The following IHO1 variants were observed in gnomAD, a reference collection of about 807,000 sequenced individuals.
IHO1 encodes the protein interactor of HORMAD1 1.
In IHO1, 13 loss-of-function variants were observed where a neutral mutation model predicts 31.0. The ratio of observed to expected loss-of-function variants is 0.42; its 90% CI spans 0.27 to 0.67. The LOEUF (loss-of-function observed/expected upper bound fraction) is 0.67. IHO1 is among the 30% of genes least tolerant of loss of function. The pLI is 0.24. For synonymous variants in IHO1, 221 were observed against 248.4 expected (o/e 0.89, Z 1.04); for missense variants, 599 against 687.5 (o/e 0.87, Z 1.44).
intron 4 of IHO1, among the ~76,000 whole-genome samples, chr3:49,243,768 A>C (rs2046661385): frequency 6.6e-6 from 1 of 150,654 alleles, no homozygotes; most frequent in Admixed American, 6.6e-5. Flanking sequence ...AAAAAAAAAA[A>C]AAAAAAAAAA....
chr3:49,256,680 T>C lies in IHO1; in HGVS notation c.1183T>C (p.Ser395Pro). 3 of 1,614,206 alleles carry C rather than the reference T, an allele frequency of 1.9e-6. No individual in the cohort carries two copies. Residue 395 changes from serine (S) to proline (P), a missense_variant, in exon 8 of 8, where the codon TCA becomes CCA. Transcript: ENST00000452691. This position sits in a 1 kb window ranked among gnomAD's most constrained non-coding sequence, Gnocchi z 4.6. ...LVSQGASQLT[S>P]LEINFSTSIK... ...TTCCCAAGGAGCCTCACAGCTCACA[T>C]CATTGGAGATAAACTTTTCAACCAG...
chr3:49,232,795 C>T (rs999814022), intron 2 of IHO1, among the ~76,000 whole-genome samples: 1 of 152,192 alleles, frequency 6.6e-6, no homozygotes, highest in African/African-American at 2.4e-5. Flanking sequence ...TAGCGGTGAT[C>T]ACCATTGCCA....
chr3:49,248,291 G>A (rs892630272), intron 6 of IHO1, among the ~76,000 whole-genome samples: 2 of 151,642 alleles, frequency 1.3e-5, no homozygotes, highest in East Asian at 3.9e-4. Flanking sequence ...GCGTGGTGGC[G>A]GGCACCTGTA....
chr3:49,250,341 T>C lies in IHO1; in HGVS notation c.533-5049T>C, dbSNP rs563943093. Among the ~76,000 whole-genome samples, 9 of 152,326 alleles carry C rather than the reference T, an allele frequency of 5.9e-5. No individual in the cohort carries two copies. In the South Asian group the frequency reaches 1.7e-3, roughly 28 times the overall value. ...AGAAAAAATATGGATAGACTTTGAATGTAATGAGTTTGATACAAAAGCTCC... is the reference window on the plus strand; with the variant it reads ...AGAAAAAATATGGATAGACTTTGAACGTAATGAGTTTGATACAAAAGCTCC... On this transcript the variant is annotated intron_variant, in intron 6 of 7. Transcript: ENST00000452691.
At chr3:49,237,887 CTTTT>C (rs574951773) in intron 3 of IHO1, among the ~76,000 whole-genome samples, 1 of 51,440 alleles carries the variant, frequency 1.9e-5, no homozygotes, top group Non-Finnish European at 3.3e-5. Context: ...CTGTCTTTTC[CTTTT>C]TTTTTTTTTT....
intron 3 of IHO1, among the ~76,000 whole-genome samples, chr3:49,239,161 A>G (rs1371390259): frequency 1.3e-5 from 2 of 150,616 alleles, no homozygotes; most frequent in Non-Finnish European, 2.9e-5. Context: ...TAGTAGAGAC[A>G]GGGTTTCACT....
chr3:49,251,163 C>T (rs1367346752), intron 6 of IHO1, among the ~76,000 whole-genome samples: 1 of 151,840 alleles, frequency 6.6e-6, no homozygotes, highest in African/African-American at 2.4e-5. Context: ...CTCTGTCACA[C>T]AGGCTGGAGT....
chr3:49,255,600 C>A, intron 7 of IHO1, 107 bp downstream of exon 7: 2 of 621,862 alleles, frequency 3.2e-6, no homozygotes, highest in African/African-American at 2.2e-5. Context: ...CTCGCTTTGT[C>A]GTGCGGTGGT....
At chr3:49,233,809 G>T (rs2046512142) in intron 2 of IHO1, among the ~76,000 whole-genome samples, 1 of 152,152 alleles carries the variant, frequency 6.6e-6, no homozygotes, top group South Asian at 2.1e-4. Context: ...GAAGGTTGTG[G>T]GTTTACCAGA....
chr3:49,202,586 C>T (rs2046083393), intron 1 of IHO1, among the ~76,000 whole-genome samples: 1 of 150,872 alleles, frequency 6.6e-6, no homozygotes, highest in South Asian at 2.1e-4. Flanking sequence ...CCGTGTTAGC[C>T]AGGATGGTCT....
intron 6 of IHO1, among the ~76,000 whole-genome samples, chr3:49,252,912 C>T (rs1348486181): frequency 6.6e-6 from 1 of 151,924 alleles, no homozygotes; most frequent in Admixed American, 6.6e-5. Flanking sequence ...CATGGTGTTG[C>T]GTGCCTAAAG....
rs769000160 is a variant in IHO1, at chr3:49,235,231, CT to C, written c.57-1301del. 2.4e-3 allele frequency among the ~76,000 whole-genome samples: 327 copies of C among 134,960 alleles called. 1 individual carries two copies. Among genetic ancestry groups the C allele is most frequent in the Middle Eastern group, 4.0e-3 (1 of 248 alleles). The allele number at this position is 134,960 out of a possible 152,430, so 88.5% of individuals were successfully genotyped here. ...AAATCCCATGTGATTATATATAAATCTTTTTTTTTTTTTTTTGAGGAGTCTT... is the reference window on the plus strand; with the variant it reads ...AAATCCCATGTGATTATATATAAATCTTTTTTTTTTTTTTTGAGGAGTCTT... On this transcript the variant is annotated intron_variant, in intron 2 of 7. Transcript: ENST00000452691.
chr3:49,223,507 C>G (rs566078244), intron 2 of IHO1, among the ~76,000 whole-genome samples: 26 of 152,084 alleles, frequency 1.7e-4, no homozygotes, highest in African/African-American at 6.0e-4. Flanking sequence ...CTGGCTAACA[C>G]GGTGAAACCC....
At chr3:49,230,862 A>G (rs1473307764) in intron 2 of IHO1, among the ~76,000 whole-genome samples, 16 of 152,222 alleles carry the variant, frequency 1.1e-4, no homozygotes, top group Non-Finnish European at 1.5e-5. Flanking sequence ...ATTCCTACCT[A>G]TGCCATGAGT....
chr3:49,220,969 G>T (rs2046348449), intron 2 of IHO1, among the ~76,000 whole-genome samples: 1 of 152,242 alleles, frequency 6.6e-6, no homozygotes, highest in Admixed American at 6.5e-5. Flanking sequence ...TGCCGCTGCT[G>T]GCTCCAGTGG....
intron 1 of IHO1, among the ~76,000 whole-genome samples, chr3:49,210,097 C>G (rs2046189497): frequency 1.3e-5 from 2 of 150,672 alleles, no homozygotes; most frequent in Non-Finnish European, 3.0e-5. Flanking sequence ...GGTGGGATCA[C>G]AGTTTACAGA....
intron 6 of IHO1, among the ~76,000 whole-genome samples, chr3:49,248,024 C>T (rs1240989963): frequency 6.7e-6 from 1 of 149,942 alleles, no homozygotes; most frequent in Non-Finnish European, 1.5e-5. Flanking sequence ...ACTTGGGAGG[C>T]TGAGACAGGA....
At chr3:49,195,709 A>G (rs370506499), upstream of IHO1, among the ~76,000 whole-genome samples, 919 of 151,874 alleles carry the variant, frequency 6.1e-3, 10 homozygotes, top group African/African-American at 0.021. Flanking sequence ...GTGAGACTCC[A>G]TCTCAAAACA....
chr3:49,234,170 T>TTG (rs2046521058), intron 2 of IHO1, among the ~76,000 whole-genome samples: 2 of 146,254 alleles, frequency 1.4e-5, no homozygotes, highest in South Asian at 4.5e-4. Flanking sequence ...TTGTTTTTTT[T>TTG]TTTTTTTTTT....
Sources: allele counts gnomAD v4.1 joint callset (sites outside exome capture counted in the v4.1 genomes callset), GRCh38; gene constraint gnomAD v4.1.1; non-coding constraint Gnocchi (gnomAD v3.1); transcripts MANE v1.5; gene names NCBI Gene and HGNC (gene_info 2026-07-23, HGNC 2026-07-21).